Variants in METTL8 observed in about 807,000 individuals in gnomAD.
METTL8 encodes the protein methyltransferase 8, tRNA N3-cytidine.
Under a neutral mutation model 48.7 loss-of-function variants are expected in METTL8, and 32 were observed. That is an observed-to-expected ratio of 0.66 (90% confidence interval 0.50 to 0.88). The LOEUF is 0.88. METTL8 is among the 40% of genes least tolerant of loss of function. The probability of loss-of-function intolerance (pLI) is 0.00; values close to 1 mark genes in which losing one functional copy is unlikely to be tolerated. For missense variants in METTL8, 464 were observed against 474.4 expected (o/e 0.98, Z 0.20); for synonymous variants, 136 against 157.1 (o/e 0.87, Z 1.01).
At chr2:171,356,407 G>A (rs1684544556) in intron 3 of METTL8, among the ~76,000 whole-genome samples, 1 of 152,152 alleles carries the variant, frequency 6.6e-6, no homozygotes, top group Non-Finnish European at 1.5e-5. Context: ...CCAAAGTGCT[G>A]GGATTATAGG....
At chr2:171,411,136 A>G (rs1690709437) in intron 1 of METTL8, among the ~76,000 whole-genome samples, 1 of 152,224 alleles carries the variant, frequency 6.6e-6, no homozygotes, top group Non-Finnish European at 1.5e-5. Context: ...GTACAGAGGG[A>G]CATGGAAGAC....
intron 3 of METTL8, among the ~76,000 whole-genome samples, chr2:171,351,912 G>C (rs1017468100): frequency 8.5e-5 from 13 of 152,162 alleles, no homozygotes; most frequent in African/African-American, 3.1e-4. Context: ...TCTGCAAATA[G>C]GGAAAATTTG....
In METTL8 at chr2:171,380,609, C is replaced by T. The variant is rs537848790; in HGVS notation, c.143+11434G>A. ...AGCATTCCTATACACCAACAATAGA[C>T]GAGCAGAGAGCCAAATCATGAATGA... is the stretch of plus-strand genomic sequence containing the variant. On this transcript the variant is annotated intron_variant, in intron 2 of 9. Coordinates refer to ENST00000375258, the MANE Select transcript of METTL8 (RefSeq NM_001321154.2). Among the ~76,000 whole-genome samples, 16 of 152,172 alleles carry T rather than the reference C, an allele frequency of 1.1e-4. No individual in the cohort carries two copies. The South Asian group carries it at 2.1e-3, about 20-fold the overall frequency.
At chr2:171,342,193 C>T (rs953267680) in intron 3 of METTL8, among the ~76,000 whole-genome samples, 36 of 152,156 alleles carry the variant, frequency 2.4e-4, no homozygotes, top group African/African-American at 8.7e-4. Context: ...TGGCCTTGTA[C>T]CGTGGATCTC....
chr2:171,328,568 T>A (rs1685196055), intron 7 of METTL8, among the ~76,000 whole-genome samples: 1 of 152,252 alleles, frequency 6.6e-6, no homozygotes, highest in Admixed American at 6.5e-5. Context: ...TAGAGTACAG[T>A]GGCGTGATCT....
chr2:171,330,820 C>A, intron 6 of METTL8, 122 bp from the exon 7 acceptor site: 1 of 742,234 alleles, frequency 1.3e-6, no homozygotes, highest in Non-Finnish European at 2.2e-6. Flanking sequence ...CTCTGTCAGT[C>A]TGAACACTTT....
intron 1 of METTL8, among the ~76,000 whole-genome samples, chr2:171,404,074 T>TC (rs1401810458): frequency 9.0e-6 from 1 of 110,756 alleles, no homozygotes; most frequent in African/African-American, 3.7e-5. Context: ...TATATATATA[T>TC]ATATATATAT....
At chr2:171,385,506 T>C (rs1021344402) in intron 2 of METTL8, among the ~76,000 whole-genome samples, 1 of 151,948 alleles carries the variant, frequency 6.6e-6, no homozygotes, top group Non-Finnish European at 1.5e-5. Context: ...AAGAAAAAAA[T>C]GTAAAAAAGG....
chr2:171,413,571 A>C (rs1175253276), intron 1 of METTL8, among the ~76,000 whole-genome samples: 1 of 152,206 alleles, frequency 6.6e-6, no homozygotes, highest in Non-Finnish European at 1.5e-5. Context: ...GTGTTGTGAT[A>C]AAAAAGATTT....
At chr2:171,340,192 C>CT (rs1202192034) in intron 3 of METTL8, among the ~76,000 whole-genome samples, 8 of 57,562 alleles carry the variant, frequency 1.4e-4, no homozygotes, top group Admixed American at 5.3e-4. Flanking sequence ...GAGTGAAACT[C>CT]TGTCTCAAAA....
intron 1 of METTL8, among the ~76,000 whole-genome samples, chr2:171,402,785 C>G (rs60545517): frequency 0.14 from 21,354 of 151,826 alleles, 2,176 homozygotes; most frequent in African/African-American, 0.29. Context: ...GAGAATATAA[C>G]ATGAGCCTAG....
At chr2:171,400,388 C>T (rs1369583614) in intron 1 of METTL8, among the ~76,000 whole-genome samples, 8 of 152,038 alleles carry the variant, frequency 5.3e-5, no homozygotes, top group African/African-American at 1.9e-4. Context: ...TTACTGATTC[C>T]CCAGTCTTTA....
At chr2:171,355,560 C>G (rs535083103) in intron 3 of METTL8, among the ~76,000 whole-genome samples, 71 of 152,364 alleles carry the variant, frequency 4.7e-4, no homozygotes, top group African/African-American at 1.5e-3. Flanking sequence ...TGCCCTGCCC[C>G]CAGAGGTGGA....
chr2:171,428,103 T>C (rs1692600656), intron 1 of METTL8, among the ~76,000 whole-genome samples: 1 of 152,192 alleles, frequency 6.6e-6, no homozygotes, highest in Non-Finnish European at 1.5e-5. Context: ...AAGTATTCTG[T>C]AAACATAACA....
intron 6 of METTL8, among the ~76,000 whole-genome samples, chr2:171,331,082 C>G (rs1356118906): frequency 6.6e-6 from 1 of 152,054 alleles, no homozygotes; most frequent in African/African-American, 2.4e-5. Flanking sequence ...GGTCAGTACC[C>G]TTTCTGGTCA....
chr2:171,321,359 C>T lies in METTL8; in HGVS notation c.*2813G>A, dbSNP rs1318493631. ...CTCTGCCTCCCAGGCTCAAAAGATC[C>T]TCCCAGCTCAGCCTCCTGAGTAGCT... On this transcript the variant is annotated 3_prime_UTR_variant, in exon 10 of 10. Coordinates refer to ENST00000375258, the MANE Select transcript of METTL8 (RefSeq NM_001321154.2). 1 of 152,250 alleles carries T rather than the reference C, an allele frequency of 6.6e-6. No homozygotes were observed. The highest frequency in any genetic ancestry group is 2.4e-5 in the African/African-American group (1 of 41,442). The allele number at this position is 152,250 out of a possible 1,614,324, so 9.4% of individuals were successfully genotyped here.
chr2:171,329,372 T>C (rs1685290004), intron 7 of METTL8, among the ~76,000 whole-genome samples: 1 of 152,374 alleles, frequency 6.6e-6, no homozygotes, highest in East Asian at 1.9e-4. Flanking sequence ...TTTGTGGTTA[T>C]ATGTAGAATT....
chr2:171,419,918 A>G (rs566376739), intron 1 of METTL8, among the ~76,000 whole-genome samples: 2 of 152,162 alleles, frequency 1.3e-5, no homozygotes, highest in East Asian at 3.9e-4. Flanking sequence ...TGTTTCTGTT[A>G]CATTTTCTAA....
In METTL8 at chr2:171,321,762, T is replaced by C. The variant is rs1442616418; in HGVS notation, c.*2410A>G. 6.6e-6 allele frequency: 1 copy of C among 152,178 alleles called. No individual in the cohort carries two copies. The highest frequency in any genetic ancestry group is 1.9e-4 in the East Asian group (1 of 5,198). 9.4% of individuals were successfully genotyped at this position (152,178 alleles called of 1,614,324 possible). ...TATGCACATTTTGTTTTGCCAGCTGTACTCTATTTATGCTCCCTGAAGAGC... is the reference window on the plus strand; with the variant it reads ...TATGCACATTTTGTTTTGCCAGCTGCACTCTATTTATGCTCCCTGAAGAGC... On this transcript the variant is annotated 3_prime_UTR_variant, in exon 10 of 10. Transcript: ENST00000375258.
Sources: allele counts gnomAD v4.1 joint callset (sites outside exome capture counted in the v4.1 genomes callset), GRCh38; gene constraint gnomAD v4.1.1; transcripts MANE v1.5; gene names NCBI Gene and HGNC (gene_info 2026-07-23, HGNC 2026-07-21).